Variants in EPB41L4A observed in about 807,000 individuals in gnomAD.
EPB41L4A encodes the protein band 4.1-like protein 4A.
EPB41L4A carries 100 observed loss-of-function variants against 108.6 expected under a neutral mutation model. That is an observed-to-expected ratio of 0.92 (90% CI 0.78 to 1.09). The LOEUF (loss-of-function observed/expected upper bound fraction) is 1.09. Among genes scored for constraint, EPB41L4A ranks in the 50% least tolerant of loss-of-function variants. The pLI is 0.00. For missense variants in EPB41L4A, 1,030 were observed against 842.7 expected, an observed-to-expected ratio of 1.22 and a Z score of -2.75; for synonymous variants, 319 against 289.0, an observed-to-expected ratio of 1.10 and a Z score of -1.05.
chr5:112,308,543 TG>T (rs1561558386), intron 1 of EPB41L4A, among the ~76,000 whole-genome samples: 1 of 152,178 alleles, frequency 6.6e-6, no homozygotes, highest in Non-Finnish European at 1.5e-5. Flanking sequence ...ATAGGTATTT[TG>T]TTTTCCTCTA....
At chr5:112,349,424 T>C (rs1757895046) in intron 1 of EPB41L4A, among the ~76,000 whole-genome samples, 2 of 152,052 alleles carry the variant, frequency 1.3e-5, no homozygotes, top group Admixed American at 1.3e-4. Context: ...TTGTGCAGCA[T>C]TGCCTGTAGA....
At chr5:112,176,956 C>T (rs970294608) in intron 18 of EPB41L4A, among the ~76,000 whole-genome samples, 4 of 151,742 alleles carry the variant, frequency 2.6e-5, no homozygotes, top group South Asian at 2.1e-4. Context: ...GGTTTCACCA[C>T]GTTGGCCAGG....
Position 112,230,382 on chromosome 5 carries a change from C to A in EPB41L4A, c.1087+4252G>T, listed in dbSNP as rs377220210. ...AGTGTTACTTTTCACCATATCCACA[C>A]CAACATCTATTATTTTTTTTATTTT... On this transcript the variant is annotated intron_variant, in intron 12 of 22. Coordinates refer to ENST00000261486, the MANE Select transcript of EPB41L4A (RefSeq NM_022140.5). Among the ~76,000 whole-genome samples, 6 of 148,906 alleles carry A rather than the reference C, an allele frequency of 4.0e-5. No individual in the cohort carries two copies. In the South Asian group the frequency reaches 1.3e-3, roughly 31 times the overall value.
At chr5:112,319,816 T>C (rs1400629238) in intron 1 of EPB41L4A, among the ~76,000 whole-genome samples, 1 of 152,168 alleles carries the variant, frequency 6.6e-6, no homozygotes, top group Non-Finnish European at 1.5e-5. Flanking sequence ...ATTAGATGAG[T>C]GTGCTTTGCC....
intron 18 of EPB41L4A, among the ~76,000 whole-genome samples, chr5:112,181,916 T>C (rs774452821): frequency 5.3e-5 from 8 of 151,468 alleles, no homozygotes; most frequent in Admixed American, 2.0e-4. Flanking sequence ...CTACTGAAAA[T>C]AGAAAAATTA....
intron 12 of EPB41L4A, among the ~76,000 whole-genome samples, chr5:112,228,970 G>A (rs1748670700): frequency 2.0e-5 from 3 of 152,206 alleles, no homozygotes; most frequent in Non-Finnish European, 4.4e-5. Context: ...CTTTTTAGCT[G>A]CCAGGGCATT....
intron 1 of EPB41L4A, among the ~76,000 whole-genome samples, chr5:112,392,401 C>CAAAAAAAAAAAAAAA (rs56256606): frequency 2.8e-5 from 1 of 35,920 alleles, no homozygotes; most frequent in African/African-American, 1.2e-4. Context: ...AAATGGAAAG[C>CAAAAAAAAAAAAAAA]AAAAAAAAAA....
chr5:112,247,210 C>T (rs985232432), intron 9 of EPB41L4A, among the ~76,000 whole-genome samples: 5 of 8,224 alleles, frequency 6.1e-4, no homozygotes, highest in South Asian at 0.2. Context: ...ATCTCCCTCC[C>T]ACCACTGTCC....
At chr5:112,317,550 T>C (rs935735932) in intron 1 of EPB41L4A, among the ~76,000 whole-genome samples, 3 of 152,224 alleles carry the variant, frequency 2.0e-5, no homozygotes, top group Non-Finnish European at 2.9e-5. Flanking sequence ...CAATGGTGCA[T>C]GAAGTCAGAT....
chr5:112,286,879 A>G (rs1753319049), intron 2 of EPB41L4A, among the ~76,000 whole-genome samples: 1 of 152,042 alleles, frequency 6.6e-6, no homozygotes, highest in Non-Finnish European at 1.5e-5. Context: ...AAAAAAAAAA[A>G]AGTTGTTCTA....
rs144825796 is a variant in EPB41L4A at position 112,375,922 on chromosome 5, T to C, written c.99+43019A>G. ...TCCCTGGGGAGTGAATGACTGACAA[T>C]GTCTGTGCCTCCAAGGGGTTAGGGT... On this transcript the variant is annotated intron_variant, in intron 1 of 22. Transcript: ENST00000261486. Among the ~76,000 whole-genome samples the C allele has an allele frequency of 4.9e-3, 750 of 152,280 alleles. 5 individuals carry two copies. Among genetic ancestry groups the C allele is most frequent in the African/African-American group, 0.017 (689 of 41,562 alleles).
At chr5:112,340,439 T>G (rs1167216167) in intron 1 of EPB41L4A, among the ~76,000 whole-genome samples, 1 of 152,228 alleles carries the variant, frequency 6.6e-6, no homozygotes, top group Non-Finnish European at 1.5e-5. Context: ...GAACCACTGC[T>G]GTAGCATTTA....
At chr5:112,238,315 G>GA (rs145978431) in intron 11 of EPB41L4A, among the ~76,000 whole-genome samples, 2,330 of 152,204 alleles carry the variant, frequency 0.015, 59 homozygotes, top group African/African-American at 0.053. Flanking sequence ...GAAGAACAGT[G>GA]AAAACCTAAA....
chr5:112,219,212 G>A (rs1418111310), intron 12 of EPB41L4A, among the ~76,000 whole-genome samples: 5 of 152,152 alleles, frequency 3.3e-5, no homozygotes, highest in African/African-American at 7.2e-5. Flanking sequence ...CCACGTCGTC[G>A]TGGGAGGGAG....
intron 15 of EPB41L4A, among the ~76,000 whole-genome samples, chr5:112,203,618 G>A (rs768658709): frequency 6.6e-6 from 1 of 152,048 alleles, no homozygotes; most frequent in African/African-American, 2.4e-5. Flanking sequence ...CACTCTACCC[G>A]TATAGGTAAA....
intron 1 of EPB41L4A, among the ~76,000 whole-genome samples, chr5:112,417,983 A>T (rs911391477): frequency 6.6e-6 from 1 of 152,188 alleles, no homozygotes; most frequent in South Asian, 2.1e-4. Context: ...AGATGAAGCG[A>T]CTAAGAGAGG....
At chr5:112,269,604 C>T (rs72781640) in intron 4 of EPB41L4A, among the ~76,000 whole-genome samples, 5,421 of 152,114 alleles carry the variant, frequency 0.036, 150 homozygotes, top group South Asian at 0.064. Context: ...AACCTATGTG[C>T]CAGTCTGCCT....
At chr5:112,357,980 T>A (rs1451672684) in intron 1 of EPB41L4A, among the ~76,000 whole-genome samples, 1 of 152,250 alleles carries the variant, frequency 6.6e-6, no homozygotes, top group African/African-American at 2.4e-5. Flanking sequence ...CCGGTCTTCC[T>A]CAATAGTCCA....
chr5:112,286,597 G>A (rs1753299619), intron 2 of EPB41L4A, among the ~76,000 whole-genome samples: 1 of 152,126 alleles, frequency 6.6e-6, no homozygotes, highest in Non-Finnish European at 1.5e-5. Flanking sequence ...CAACCTGCTT[G>A]CATCTGAGCT....
Sources: gnomAD v4.1 joint callset for allele counts (sites outside exome capture counted in the v4.1 genomes callset) on GRCh38, gnomAD v4.1.1 for gene constraint, MANE v1.5 for transcripts, NCBI Gene and HGNC (gene_info 2026-07-23, HGNC 2026-07-21) for gene names.